The following EXTL3 variants were observed in gnomAD, a reference collection of about 807,000 sequenced individuals.
EXTL3 encodes exostosin-like 3.
EXTL3 carries 27 observed loss-of-function variants against 69.3 expected under a neutral mutation model. That is an observed-to-expected ratio of 0.39 (90% CI 0.29 to 0.54). The LOEUF is 0.54. Ranked by LOEUF, EXTL3 falls within the 20% of genes least tolerant of loss-of-function variation. EXTL3 has a pLI of 0.69. For synonymous variants in EXTL3, 511 were observed against 499.4 expected, an observed-to-expected ratio of 1.02 and a Z score of -0.31; for missense variants, 1,003 against 1,231.8, an observed-to-expected ratio of 0.81 and a Z score of 2.78.
chr8:28,621,382 CT>C (rs1445256303), upstream of EXTL3, among the ~76,000 whole-genome samples: 1 of 152,200 alleles, frequency 6.6e-6, no homozygotes, highest in Non-Finnish European at 1.5e-5. Flanking sequence ...CTGAAACAAT[CT>C]TTCCTCACAG....
chr8:28,711,880 G>A (rs1442122264), intron 1 of EXTL3, among the ~76,000 whole-genome samples: 4 of 152,112 alleles, frequency 2.6e-5, no homozygotes, highest in Non-Finnish European at 2.9e-5. Context: ...GAGTTTGTAG[G>A]ATGAGGAAGT....
intron 1 of EXTL3, among the ~76,000 whole-genome samples, chr8:28,689,140 C>G (rs2130673832): frequency 6.6e-6 from 1 of 152,216 alleles, no homozygotes; most frequent in African/African-American, 2.4e-5. Flanking sequence ...CTTTGCTGAC[C>G]CAGTTGTGGA....
At chr8:28,627,632 A>G (rs28851810) in intron 1 of EXTL3, among the ~76,000 whole-genome samples, 16,525 of 152,238 alleles carry the variant, frequency 0.11, 2,624 homozygotes, top group African/African-American at 0.35. Flanking sequence ...ATAGATATTT[A>G]TACATCCATG....
At chr8:28,666,444 A>G (rs1307199478) in intron 1 of EXTL3, among the ~76,000 whole-genome samples, 3 of 151,430 alleles carry the variant, frequency 2.0e-5, no homozygotes, top group Non-Finnish European at 2.9e-5. Flanking sequence ...AGCCTGGCTA[A>G]TTTTTTTTGA....
chr8:28,739,225 T>C (rs770487496), intron 5 of EXTL3, among the ~76,000 whole-genome samples: 3 of 152,214 alleles, frequency 2.0e-5, no homozygotes, highest in Non-Finnish European at 2.9e-5. Context: ...GCTCACCGTC[T>C]CTCCCTAGCT....
intron 1 of EXTL3, among the ~76,000 whole-genome samples, chr8:28,691,542 AGAGTT>A: frequency 6.8e-6 from 1 of 146,246 alleles, no homozygotes; most frequent in Non-Finnish European, 1.5e-5. Context: ...AGGAAGCCAC[AGAGTT>A]GGTAAATATT....
At chr8:28,756,106 G>T (rs547310192), downstream of EXTL3, among the ~76,000 whole-genome samples, 1 of 152,072 alleles carries the variant, frequency 6.6e-6, no homozygotes. Flanking sequence ...TATTTTAAAC[G>T]TGCACACTGT....
chr8:28,660,004 G>A (rs536242270), intron 1 of EXTL3, among the ~76,000 whole-genome samples: 9 of 152,208 alleles, frequency 5.9e-5, no homozygotes, highest in Middle Eastern at 3.4e-3. Flanking sequence ...TTTACTATAC[G>A]TTTAAATAGT....
chr8:28,701,470 C>G (rs1047829754), upstream of EXTL3: 11 of 152,184 alleles, frequency 7.2e-5, no homozygotes, highest in African/African-American at 2.6e-4. Context: ...CCGGCTTCGG[C>G]CATTTCCGGC....
intron 4 of EXTL3, among the ~76,000 whole-genome samples, chr8:28,736,430 C>G (rs1196575570): frequency 6.6e-6 from 1 of 152,184 alleles, no homozygotes; most frequent in East Asian, 1.9e-4. Context: ...TTTCAGTTCT[C>G]CAATTTATCC....
chr8:28,737,229 C>T lies in EXTL3; in HGVS notation c.2277-290C>T, dbSNP rs185288477. 9.2e-4 allele frequency among the ~76,000 whole-genome samples: 140 copies of T among 152,204 alleles called. 1 individual carries two copies. Among genetic ancestry groups the T allele is most frequent in the African/African-American group, 3.1e-3 (130 of 41,532 alleles). The stretch of plus-strand genomic sequence containing the variant: ...CCTCCTTAGTAGATATTGTACATAC[C>T]CCATTCTGGAGATCCCCTTTCCAAA... On this transcript the variant is annotated intron_variant, in intron 4 of 6. Coordinates refer to ENST00000220562, the MANE Select transcript of EXTL3 (RefSeq NM_001440.4).
At position 28,754,694 on chromosome 8, in the gene EXTL3, G is replaced by C. The variant is rs1465488695; in HGVS notation, c.*3828G>C. 6.6e-6 allele frequency: 1 copy of C among 152,250 alleles called. No homozygotes were observed. The highest frequency in any genetic ancestry group is 1.5e-5 in the Non-Finnish European group (1 of 68,056). 9.4% of individuals were successfully genotyped at this position (152,250 alleles called of 1,614,324 possible). A position where few individuals can be genotyped will look rare whatever the true frequency, so the allele number is the denominator to read the frequency against. ...GAGTTGTGTCTTGGACTTACGGTCT[G>C]CCAAGGTGGTAAATGTTAGCTGTTG... On this transcript the variant is annotated 3_prime_UTR_variant, in exon 7 of 7. Transcript: ENST00000220562.
rs1348265537 is a variant in EXTL3 at position 28,750,779 on chromosome 8, C to T, written c.2673C>T (p.Pro891=). The change falls in exon 7 of 7, where the codon CCC becomes CCT. Residue 891 remains proline (P), a synonymous_variant. Coordinates refer to ENST00000220562, the MANE Select transcript of EXTL3 (RefSeq NM_001440.4). This position sits in a 1 kb window ranked among gnomAD's most constrained non-coding sequence, Gnocchi z 5.2. The part of the protein sequence containing the change: ...NFFVKVYGYM[P]LLYTQFRVDS... Reference sequence around the variant, plus strand: ...TCGTGAAGGTGTACGGCTACATGCCCCTCCTGTACACGCAGTTCAGGGTGG... The same window carrying T: ...TCGTGAAGGTGTACGGCTACATGCCTCTCCTGTACACGCAGTTCAGGGTGG... 5.6e-6 allele frequency: 9 copies of T among 1,614,174 alleles called. No individual in the cohort carries two copies. The highest frequency in any genetic ancestry group is 3.3e-5 in the South Asian group (3 of 91,080).
chr8:28,726,501 C>G (rs1801415578), intron 3 of EXTL3, among the ~76,000 whole-genome samples: 1 of 152,156 alleles, frequency 6.6e-6, no homozygotes, highest in South Asian at 2.1e-4. Flanking sequence ...AGTTAGTCTT[C>G]CAAGTGCTGT....
intron 1 of EXTL3, among the ~76,000 whole-genome samples, chr8:28,673,498 G>A (rs1807332245): frequency 1.3e-5 from 2 of 152,244 alleles, no homozygotes; most frequent in South Asian, 4.2e-4. Flanking sequence ...TCTCCAGACT[G>A]GGATTTACAC....
At chr8:28,731,701 C>G (rs764197540) in intron 4 of EXTL3, among the ~76,000 whole-genome samples, 14 of 152,102 alleles carry the variant, frequency 9.2e-5, no homozygotes, top group South Asian at 4.2e-4. Flanking sequence ...GGGTAGTTCT[C>G]TAAAGGAAAT....
chr8:28,749,623 T>TTTCATTCATTCATTCATTCA (rs139624117), intron 6 of EXTL3, among the ~76,000 whole-genome samples: 3 of 150,502 alleles, frequency 2.0e-5, no homozygotes, highest in Non-Finnish European at 4.4e-5. Context: ...CCTCTGAGGA[T>TTTCATTCATTCATTCATTCA]TTCATTCATT....
rs1179953231 is a variant in EXTL3 at position 28,624,852 on chromosome 8, A to G, written c.-53+2042A>G. 3.3e-5 allele frequency among the ~76,000 whole-genome samples: 5 copies of G among 152,346 alleles called. No individual in the cohort carries two copies. In the East Asian group the frequency reaches 5.8e-4, roughly 18 times the overall value. On this transcript the variant is annotated intron_variant, in intron 1 of 6. Transcript: ENST00000523149. ...AAACCCAAACCCTCAAGTGATTCCT[A>G]TGGAAAGACACTGACACTCAGATCA...
chr8:28,620,124 C>T (rs1411345294), upstream of EXTL3, among the ~76,000 whole-genome samples: 3 of 114,458 alleles, frequency 2.6e-5, no homozygotes, highest in East Asian at 2.6e-4. Context: ...CTGCCCGCCT[C>T]GGCCTCCCAA....
Sources: gnomAD v4.1 joint callset for allele counts (sites outside exome capture counted in the v4.1 genomes callset) on GRCh38, gnomAD v4.1.1 for gene constraint, Gnocchi (gnomAD v3.1) non-coding constraint, MANE v1.5 for transcripts, NCBI Gene and HGNC (gene_info 2026-07-23, HGNC 2026-07-21) for gene names.